Variants in SIL1 observed in about 807,000 individuals in gnomAD.
SIL1 encodes the protein nucleotide exchange factor SIL1.
SIL1 carries 40 observed loss-of-function variants against 49.1 expected under a neutral mutation model. The observed-to-expected ratio is 0.81, with a 90% CI of 0.63 to 1.06. The LOEUF (loss-of-function observed/expected upper bound fraction) is 1.06, where lower values mean the gene tolerates loss of function less well. Among genes scored for constraint, SIL1 ranks in the 50% least tolerant of loss-of-function variants. The pLI, the probability that SIL1 is intolerant of heterozygous loss-of-function variation, is 0.00. For missense variants in SIL1, 500 were observed against 572.6 expected, an observed-to-expected ratio of 0.87 and a Z score of 1.29; for synonymous variants, 253 against 250.8, an observed-to-expected ratio of 1.01 and a Z score of -0.08.
chr5:139,032,005 CT>C (rs1274071415), intron 5 of SIL1, among the ~76,000 whole-genome samples: 6 of 151,908 alleles, frequency 3.9e-5, no homozygotes, highest in Admixed American at 2.6e-4. Context: ...TTCTAGAAGA[CT>C]TTTTTTTGGA....
At chr5:139,043,509 T>C (rs528621893) in intron 4 of SIL1, among the ~76,000 whole-genome samples, 65 of 152,340 alleles carry the variant, frequency 4.3e-4, no homozygotes, top group African/African-American at 1.6e-3. Context: ...GACCAACCTA[T>C]GAGCACAAAG....
At chr5:139,053,893 A>C (rs1485423384) in intron 3 of SIL1, among the ~76,000 whole-genome samples, 2 of 152,210 alleles carry the variant, frequency 1.3e-5, no homozygotes, top group South Asian at 2.1e-4. Flanking sequence ...GTAATTACAC[A>C]TTAGTTTTTT....
rs759753298 is a variant in SIL1, at chr5:139,078,267, G to C, written c.245-27221C>G. ...GAGACCAGCCTGAGCAACACAGTGA[G>C]ACCATATCTCTACCAAAAAAAAATT... On this transcript the variant is annotated intron_variant, in intron 3 of 9. Coordinates refer to ENST00000394817, the MANE Select transcript of SIL1 (RefSeq NM_022464.5). Among the ~76,000 whole-genome samples, 137 of 151,842 alleles carry C rather than the reference G, an allele frequency of 9.0e-4. 2 individuals carry two copies. The highest frequency in any genetic ancestry group is 2.6e-4 in the Non-Finnish European group (18 of 68,006).
intron 7 of SIL1, among the ~76,000 whole-genome samples, chr5:138,990,930 C>A (rs544416012): frequency 6.6e-6 from 1 of 152,160 alleles, no homozygotes. Context: ...TGGCCAGGCT[C>A]GTCTCAAACT....
At chr5:138,981,391 G>A (rs1767515942) in intron 7 of SIL1, among the ~76,000 whole-genome samples, 1 of 152,134 alleles carries the variant, frequency 6.6e-6, no homozygotes, top group Admixed American at 6.5e-5. Flanking sequence ...GCAAGTGAAT[G>A]CAGGACTCCA....
chr5:139,007,433 C>T lies in SIL1; in HGVS notation c.767+13738G>A, dbSNP rs1768145979. ...AGGGACAATTTGACTTCCTCTTTTC[C>T]TAATTGAATATCCTTTATTTCCTTT... On this transcript the variant is annotated intron_variant, in intron 7 of 9. Transcript: ENST00000394817. Among the ~76,000 whole-genome samples the T allele has an allele frequency of 2.3e-5, 3 of 128,820 alleles. 1 individual carries two copies. The highest frequency in any genetic ancestry group is 7.5e-5 in the Admixed American group (1 of 13,392). 84.5% of individuals were successfully genotyped at this position (128,820 alleles called of 152,430 possible).
At chr5:139,070,622 A>G (rs905755114) in intron 3 of SIL1, among the ~76,000 whole-genome samples, 4 of 152,236 alleles carry the variant, frequency 2.6e-5, no homozygotes, top group African/African-American at 9.6e-5. Flanking sequence ...AGTAACATGA[A>G]AAGAACTCAT....
At chr5:138,978,013 A>G (rs1359100704) in intron 7 of SIL1, among the ~76,000 whole-genome samples, 2 of 152,220 alleles carry the variant, frequency 1.3e-5, no homozygotes, top group Non-Finnish European at 2.9e-5. Flanking sequence ...AAAGAACCTT[A>G]TATCATCCTA....
chr5:138,966,880 T>C (rs1019598416), intron 7 of SIL1, among the ~76,000 whole-genome samples: 2 of 152,230 alleles, frequency 1.3e-5, no homozygotes, highest in Non-Finnish European at 2.9e-5. Context: ...AAAACTGGAT[T>C]CCACTGGGGA....
intron 5 of SIL1, among the ~76,000 whole-genome samples, chr5:139,036,875 A>T (rs1444610181): frequency 6.6e-6 from 1 of 151,978 alleles, no homozygotes; most frequent in East Asian, 1.9e-4. Context: ...AATAATAAAA[A>T]CTCAAGAAGA....
intron 2 of SIL1, among the ~76,000 whole-genome samples, chr5:139,126,835 C>G (rs1317387821): frequency 1.2e-4 from 19 of 152,238 alleles, no homozygotes; most frequent in Admixed American, 1.2e-3. Context: ...GTCATTTGCA[C>G]TTCAAGGACC....
intron 1 of SIL1, among the ~76,000 whole-genome samples, chr5:139,181,535 A>T (rs949779168): frequency 6.6e-6 from 1 of 152,220 alleles, no homozygotes; most frequent in Non-Finnish European, 1.5e-5. Context: ...GTTCTCAAAC[A>T]AATGATTTCC....
intron 7 of SIL1, among the ~76,000 whole-genome samples, chr5:138,986,897 T>C (rs1055637747): frequency 3.3e-5 from 5 of 152,102 alleles, no homozygotes; most frequent in Non-Finnish European, 7.4e-5. Context: ...TGTAAAATAA[T>C]TCCTGCCCCC....
At chr5:138,954,374 G>A (rs1269788117) in intron 7 of SIL1, among the ~76,000 whole-genome samples, 3 of 152,252 alleles carry the variant, frequency 2.0e-5, no homozygotes, top group African/African-American at 7.2e-5. Context: ...GGCAGCCCTG[G>A]GCCCATGCCC....
At chr5:138,968,449 T>A (rs533423441) in intron 7 of SIL1, among the ~76,000 whole-genome samples, 1 of 152,094 alleles carries the variant, frequency 6.6e-6, no homozygotes, top group African/African-American at 2.4e-5. Flanking sequence ...TGTGCTGTGT[T>A]CCCCACCGCC....
chr5:139,027,687 TTTAA>T (rs1768691594), intron 5 of SIL1, among the ~76,000 whole-genome samples: 1 of 152,182 alleles, frequency 6.6e-6, no homozygotes, highest in Admixed American at 6.5e-5. Context: ...AATAAAAGAC[TTTAA>T]TTAAATATTT....
intron 1 of SIL1, among the ~76,000 whole-genome samples, chr5:139,198,051 T>A (rs1453399987): frequency 1.3e-5 from 2 of 152,056 alleles, no homozygotes; most frequent in Admixed American, 1.3e-4. Context: ...AATAAAGAGG[T>A]GAATGGAGAC....
intron 1 of SIL1, among the ~76,000 whole-genome samples, chr5:139,178,536 C>T (rs1295480448): frequency 2.0e-5 from 3 of 152,168 alleles, no homozygotes; most frequent in East Asian, 3.9e-4. Flanking sequence ...CATAAAACTC[C>T]CCACCCACTG....
At chr5:138,976,016 T>C (rs1030021543) in intron 7 of SIL1, among the ~76,000 whole-genome samples, 1 of 152,248 alleles carries the variant, frequency 6.6e-6, no homozygotes, top group Admixed American at 6.5e-5. Context: ...CTTCACAGCA[T>C]TGTTTCCAGA....
Sources: allele counts gnomAD v4.1 joint callset (sites outside exome capture counted in the v4.1 genomes callset), GRCh38; gene constraint gnomAD v4.1.1; transcripts MANE v1.5; gene names NCBI Gene and HGNC (gene_info 2026-07-23, HGNC 2026-07-21).